HDGFL2: variants seen among roughly 807,000 people sequenced by gnomAD.
HDGFL2 encodes the protein hepatoma-derived growth factor-related protein 2.
Under a neutral mutation model 77.1 loss-of-function variants are expected in HDGFL2, and 36 were observed. That is an observed-to-expected ratio of 0.47 (90% CI 0.36 to 0.62). The LOEUF is 0.62. Among genes scored for constraint, HDGFL2 ranks in the 20% least tolerant of loss-of-function variants. HDGFL2 has a pLI of 0.00. For synonymous variants in HDGFL2, 463 were observed against 413.1 expected, an observed-to-expected ratio of 1.12 and a Z score of -1.46; for missense variants, 976 against 973.4, an observed-to-expected ratio of 1.00 and a Z score of -0.04.
intron 3 of HDGFL2, among the ~76,000 whole-genome samples, chr19:4,476,960 C>T (rs1020049423): frequency 6.6e-6 from 1 of 151,946 alleles, no homozygotes; most frequent in Non-Finnish European, 1.5e-5. Context: ...GCCCAGGGAA[C>T]TGACCACAAG....
chr19:4,498,209 T>G, intron 11 of HDGFL2, 97 bp from the exon 12 acceptor site: 4 of 1,288,158 alleles, frequency 3.1e-6, no homozygotes, highest in Non-Finnish European at 4.4e-6. Flanking sequence ...GGGGCCCCCA[T>G]GACAAATCCT....
intron 1 of HDGFL2, among the ~76,000 whole-genome samples, chr19:4,474,187 G>A (rs1361634055): frequency 1.3e-5 from 2 of 152,062 alleles, no homozygotes. Context: ...TTTGGCACTG[G>A]GGGTGGAAGG....
chr19:4,497,780 G>C, intron 10 of HDGFL2, 178 bp from the exon 11 acceptor site: 1 of 594,108 alleles, frequency 1.7e-6, no homozygotes, highest in Non-Finnish European at 3.0e-6. Flanking sequence ...TGGCTGCCCT[G>C]GTCTGCCCTA....
At chr19:4,484,507 CT>C (rs75526267) in intron 3 of HDGFL2, among the ~76,000 whole-genome samples, 149,337 of 151,088 alleles carry the variant, frequency 0.99, 73,819 homozygotes, top group Non-Finnish European at 0.99. Flanking sequence ...AGGATATTTT[CT>C]TTTTTTTTGA....
intron 3 of HDGFL2, among the ~76,000 whole-genome samples, chr19:4,488,310 C>G (rs2145184161): frequency 6.6e-6 from 1 of 152,346 alleles, no homozygotes; most frequent in African/African-American, 2.4e-5. Flanking sequence ...GGTCTCGGCA[C>G]TGTCTTAGGT....
chr19:4,499,388 C>A (rs746627508), intron 13 of HDGFL2, 103 bp from the exon 14 acceptor site: 2 of 989,776 alleles, frequency 2.0e-6, no homozygotes, highest in East Asian at 2.6e-5. Flanking sequence ...GCTGTGCTCC[C>A]GGGAGGGGCT....
chr19:4,495,619 A>C (rs528985361), intron 9 of HDGFL2, among the ~76,000 whole-genome samples: 249 of 152,174 alleles, frequency 1.6e-3, no homozygotes, highest in African/African-American at 5.6e-3. Context: ...GGGTAGGGCC[A>C]TGTGGGCTGC....
At position 4,475,651 on chromosome 19, in the gene HDGFL2, G is replaced by T. The variant is rs564598049; in HGVS notation, c.288+68G>T. ...ATGCAAGAAGGGGCCTCCAGTTAGG[G>T]TCTCTCCCCTGGGCACTGTGGACAC... On this transcript the variant is annotated intron_variant, in intron 3 of 15. Transcript: ENST00000616600. 2,711 of 1,508,966 alleles carry T rather than the reference G, an allele frequency of 1.8e-3. 7 individuals carry two copies. The highest frequency in any genetic ancestry group is 2.2e-3 in the Non-Finnish European group (2,515 of 1,133,026). The allele number at this position is 1,508,966 out of a possible 1,614,324, so 93.5% of individuals were successfully genotyped here. A position where few individuals can be genotyped will look rare whatever the true frequency, so the allele number is the denominator to read the frequency against.
At chr19:4,482,606 G>A (rs1396647246) in intron 3 of HDGFL2, among the ~76,000 whole-genome samples, 2 of 152,116 alleles carry the variant, frequency 1.3e-5, no homozygotes, top group African/African-American at 2.4e-5. Flanking sequence ...CCAATTTGCC[G>A]GGATTACAGG....
intron 15 of HDGFL2, 26 bp from the exon 16 acceptor site, chr19:4,501,885 C>T (rs1186328953): frequency 1.4e-6 from 2 of 1,421,790 alleles, no homozygotes; most frequent in Admixed American, 3.2e-5. Context: ...AGGGCATCCT[C>T]ACACCGCCTT....
At chr19:4,500,383 C>T (rs536815764) in intron 14 of HDGFL2, among the ~76,000 whole-genome samples, 19 of 151,088 alleles carry the variant, frequency 1.3e-4, no homozygotes, top group Middle Eastern at 3.4e-3. Context: ...ACTTCCTGGG[C>T]GCAAGCCATC....
chr19:4,499,737 A>C, intron 14 of HDGFL2, 33 bp downstream of exon 14: 1 of 1,456,286 alleles, frequency 6.9e-7, no homozygotes, highest in Non-Finnish European at 9.3e-7. Context: ...CCTGTACCTC[A>C]GTCTCCTCAG....
intron 15 of HDGFL2, 57 bp downstream of exon 15, chr19:4,501,374 C>G (rs1975877597): frequency 3.3e-6 from 5 of 1,528,762 alleles, no homozygotes; most frequent in Non-Finnish European, 4.4e-6. Context: ...GTGACGCGCA[C>G]CCTGGGTCCG....
At chr19:4,493,897 G>T in intron 7 of HDGFL2, 35 bp downstream of exon 7, 1 of 1,511,812 alleles carries the variant, frequency 6.6e-7, no homozygotes, top group African/African-American at 1.4e-5. Flanking sequence ...TCTTGGCCTG[G>T]CCCCTGCCGG....
At chr19:4,483,439 C>T (rs1342696858) in intron 3 of HDGFL2, among the ~76,000 whole-genome samples, 1 of 152,186 alleles carries the variant, frequency 6.6e-6, no homozygotes, top group South Asian at 2.1e-4. Flanking sequence ...TCCTCCTGGC[C>T]CCCCCTCTTG....
intron 3 of HDGFL2, among the ~76,000 whole-genome samples, chr19:4,487,339 C>T (rs1187046230): frequency 6.6e-6 from 1 of 152,032 alleles, no homozygotes; most frequent in African/African-American, 2.4e-5. Flanking sequence ...TCACTGAAAC[C>T]TCTGCCTCCT....
intron 3 of HDGFL2, among the ~76,000 whole-genome samples, chr19:4,487,131 AT>A (rs975498997): frequency 6.6e-6 from 1 of 151,396 alleles, no homozygotes; most frequent in Non-Finnish European, 1.5e-5. Flanking sequence ...CGCCTGGCTA[AT>A]TTTTTTTGTA....
intron 4 of HDGFL2, among the ~76,000 whole-genome samples, chr19:4,491,277 AC>A (rs1271575682): frequency 3.6e-4 from 5 of 14,050 alleles, no homozygotes; most frequent in African/African-American, 7.7e-4. Context: ...CCACCCCCCC[AC>A]CCCCCCCGGC....
Position 4,501,991 on chromosome 19 carries a change from C to A in HDGFL2, c.1997C>A (p.Ala666Asp). 1 of 1,516,158 alleles carries A rather than the reference C, an allele frequency of 6.6e-7. No individual in the cohort carries two copies. The highest frequency in any genetic ancestry group is 8.8e-7 in the Non-Finnish European group (1 of 1,139,050). 93.9% of individuals were successfully genotyped at this position (1,516,158 alleles called of 1,614,324 possible). ...ERERARGDSE[A>D]LDEES is the part of the protein sequence containing the mutation. ...GAGAGGGCACGGGGGGACTCGGAGG[C>A]CCTGGACGAGGAGAGCTGAGCCGCG... is the stretch of plus-strand genomic sequence containing the variant. The change falls in exon 16 of 16, where the codon GCC becomes GAC. Residue 666 changes from alanine to aspartate, a missense_variant. Ala to Asp is a moderately radical substitution (Grantham distance 126, BLOSUM62 -2). Transcript: ENST00000616600.
Sources: allele counts gnomAD v4.1 joint callset (sites outside exome capture counted in the v4.1 genomes callset), GRCh38; gene constraint gnomAD v4.1.1; transcripts MANE v1.5; gene names NCBI Gene and HGNC (gene_info 2026-07-23, HGNC 2026-07-21).